Variants in FARP1 observed in about 807,000 individuals in gnomAD.
FARP1 encodes the protein FERM, ARHGEF and pleckstrin domain-containing protein 1.
In FARP1, 52 loss-of-function variants were observed where a neutral mutation model predicts 128.8. That is an observed-to-expected ratio of 0.40 (90% CI 0.32 to 0.51). The LOEUF (loss-of-function observed/expected upper bound fraction) is 0.51, where lower values mean the gene tolerates loss of function less well. Ranked by LOEUF, FARP1 falls within the 20% of genes least tolerant of loss-of-function variation. FARP1 has a pLI of 0.45. For synonymous variants in FARP1, 580 were observed against 551.8 expected, an observed-to-expected ratio of 1.05 and a Z score of -0.72; for missense variants, 1,333 against 1,367.9, an observed-to-expected ratio of 0.97 and a Z score of 0.40.
intron 2 of FARP1, among the ~76,000 whole-genome samples, chr13:98,264,532 A>G (rs1884013388): frequency 6.6e-6 from 1 of 151,712 alleles, no homozygotes; most frequent in Admixed American, 6.6e-5. Flanking sequence ...CCCTTATTTG[A>G]CTCTTGTGCC....
chr13:98,238,458 T>C (rs1253069382), intron 2 of FARP1, among the ~76,000 whole-genome samples: 1 of 152,174 alleles, frequency 6.6e-6, no homozygotes, highest in Non-Finnish European at 1.5e-5. Context: ...ATGGTGCTAA[T>C]AAAGACATAT....
In FARP1 at chr13:98,437,617, G is replaced by C; in HGVS notation, c.2275-1187G>C. 5.3e-6 allele frequency: 3 copies of C among 567,538 alleles called. No individual in the cohort carries two copies. The South Asian group carries it at 7.5e-5, about 14-fold the overall frequency. The allele number at this position is 567,538 out of a possible 1,614,324, so 35.2% of individuals were successfully genotyped here. On this transcript the variant is annotated intron_variant, in intron 19 of 26. Transcript: ENST00000319562. ...CCGCGGTTGCAGCGAACTCACTTGC[G>C]TTTTTCTATCAGCCAAGGCTCTGGT...
chr13:98,284,000 T>C (rs1566831531), intron 2 of FARP1, among the ~76,000 whole-genome samples: 3 of 152,198 alleles, frequency 2.0e-5, no homozygotes, highest in Non-Finnish European at 1.5e-5. Context: ...AAATGTTTGC[T>C]CCTCAGTTGC....
intron 17 of FARP1, among the ~76,000 whole-genome samples, chr13:98,430,807 A>G (rs532608422): frequency 6.6e-6 from 1 of 152,352 alleles, no homozygotes; most frequent in South Asian, 2.1e-4. Context: ...TATATATTTT[A>G]TGATCCATGT....
At chr13:98,414,644 G>T (rs1343992194) in intron 16 of FARP1, among the ~76,000 whole-genome samples, 1 of 152,114 alleles carries the variant, frequency 6.6e-6, no homozygotes, top group African/African-American at 2.4e-5. Context: ...GCATTCGTAG[G>T]TTCTAAACTT....
chr13:98,168,193 T>A (rs1418349745), intron 1 of FARP1, among the ~76,000 whole-genome samples: 1 of 150,286 alleles, frequency 6.7e-6, no homozygotes, highest in Non-Finnish European at 1.5e-5. Flanking sequence ...ATAAAATAAA[T>A]AAATAAAAAA....
intron 1 of FARP1, among the ~76,000 whole-genome samples, chr13:98,144,828 A>T (rs1274543802): frequency 6.6e-6 from 1 of 152,128 alleles, no homozygotes; most frequent in Non-Finnish European, 1.5e-5. Context: ...GCTTCATCCT[A>T]TCTTTGGCTT....
At chr13:98,308,043 T>C (rs1235755415) in intron 2 of FARP1, among the ~76,000 whole-genome samples, 198 of 5,948 alleles carry the variant, frequency 0.033, 13 homozygotes, top group Middle Eastern at 0.2. Flanking sequence ...CTTTTTTTTT[T>C]TTTTTTTTTT....
intron 1 of FARP1, among the ~76,000 whole-genome samples, chr13:98,193,533 A>G (rs1322841): frequency 0.64 from 96,695 of 152,128 alleles, 32,926 homozygotes; most frequent in Non-Finnish European, 0.76. Flanking sequence ...TTCTTATCCA[A>G]AAATAGGGCT....
chr13:98,313,242 T>TAC (rs71111943), intron 2 of FARP1, among the ~76,000 whole-genome samples: 12,823 of 119,906 alleles, frequency 0.11, 985 homozygotes, highest in Middle Eastern at 0.23. Context: ...TGGGTCATAA[T>TAC]ACACACACAC....
chr13:98,392,557 T>G (rs963657017), intron 11 of FARP1, among the ~76,000 whole-genome samples: 6 of 152,004 alleles, frequency 3.9e-5, no homozygotes, highest in African/African-American at 1.4e-4. Flanking sequence ...TTCATTCATA[T>G]AAGTACTCCC....
chr13:98,431,116 G>A lies in FARP1; in HGVS notation c.1979G>A (p.Arg660Gln), dbSNP rs746249444. Residue 660 changes from arginine (R) to glutamine (Q), a missense_variant, in exon 18 of 27, where the codon CGG becomes CAG. Arg to Gln is a conservative substitution (Grantham distance 43). This residue lies in a region of FARP1 where 1,009 missense variants were observed against 969.8 expected (regional missense o/e 1.04). Coordinates refer to ENST00000319562, the MANE Select transcript of FARP1 (RefSeq NM_005766.4). ...GAGAATGGAATCAAGAGCTCCCGGC[G>A]GCTGGAGAACTTCTGCAGAGACTTT... is the stretch of plus-strand genomic sequence containing the variant. Reference protein sequence around the residue: ...ALENGIKSSRRLENFCRDFEL... With the variant: ...ALENGIKSSRQLENFCRDFEL... The A allele has an allele frequency of 9.3e-6, 15 of 1,614,012 alleles. No homozygotes were observed. Among genetic ancestry groups the A allele is most frequent in the South Asian group, 6.6e-5 (6 of 91,076 alleles).
At chr13:98,366,177 G>T (rs1889075437) in intron 4 of FARP1, among the ~76,000 whole-genome samples, 2 of 152,092 alleles carry the variant, frequency 1.3e-5, no homozygotes, top group South Asian at 4.1e-4. Context: ...TATCCTTTTA[G>T]TTGAGCATGA....
intron 2 of FARP1, among the ~76,000 whole-genome samples, chr13:98,280,797 C>T (rs1243264596): frequency 2.6e-5 from 4 of 152,170 alleles, no homozygotes; most frequent in African/African-American, 7.2e-5. Context: ...AAAGCACGAT[C>T]GTATTCTTTC....
chr13:98,428,289 GA>G (rs1388459045), intron 17 of FARP1, among the ~76,000 whole-genome samples: 1 of 152,204 alleles, frequency 6.6e-6, no homozygotes, highest in Non-Finnish European at 1.5e-5. Context: ...TCAATGCAAA[GA>G]AAGGGCCTTT....
intron 24 of FARP1, among the ~76,000 whole-genome samples, chr13:98,444,897 C>A (rs557644770): frequency 1.8e-4 from 28 of 152,350 alleles, no homozygotes; most frequent in African/African-American, 6.3e-4. Context: ...CCCTGGCCAC[C>A]ACCAGGACCT....
intron 3 of FARP1, among the ~76,000 whole-genome samples, chr13:98,344,997 G>T (rs1311266046): frequency 1.3e-5 from 2 of 152,188 alleles, no homozygotes; most frequent in Admixed American, 6.5e-5. Flanking sequence ...CACATGAAAG[G>T]TGAGATAAAG....
intron 2 of FARP1, among the ~76,000 whole-genome samples, chr13:98,341,930 A>G (rs1194335770): frequency 1.3e-5 from 2 of 152,218 alleles, no homozygotes; most frequent in African/African-American, 2.4e-5. Context: ...GTGCTAGGCA[A>G]TAAGAATACA....
intron 2 of FARP1, among the ~76,000 whole-genome samples, chr13:98,216,173 A>C (rs1273657935): frequency 6.6e-6 from 1 of 152,214 alleles, no homozygotes; most frequent in African/African-American, 2.4e-5. Flanking sequence ...GTAGAAAGTC[A>C]CATATCAGCA....
Sources: gnomAD v4.1 joint callset for allele counts (sites outside exome capture counted in the v4.1 genomes callset) on GRCh38, gnomAD v4.1.1 for gene constraint, gnomAD v4.1.1 regional missense constraint, MANE v1.5 for transcripts, NCBI Gene and HGNC (gene_info 2026-07-23, HGNC 2026-07-21) for gene names.